DOCK3: variants seen among roughly 807,000 people sequenced by gnomAD.
DOCK3 encodes dedicator of cytokinesis 3, also known as dedicator of cytokinesis protein 3.
DOCK3 carries 60 observed loss-of-function variants against 265.6 expected under a neutral mutation model. The observed-to-expected ratio is 0.23, with a 90% confidence interval of 0.18 to 0.28. The LOEUF (loss-of-function observed/expected upper bound fraction) is 0.28, where lower values mean the gene tolerates loss of function less well. Ranked by LOEUF, DOCK3 falls within the 10% of genes least tolerant of loss-of-function variation. DOCK3 has a pLI of 1.00. For missense variants in DOCK3, 1,981 were observed against 2,594.3 expected, an observed-to-expected ratio of 0.76 and a Z score of 5.14; for synonymous variants, 881 against 938.0, an observed-to-expected ratio of 0.94 and a Z score of 1.11.
chr3:51,220,767 TGTGA>T (rs1161382539), intron 14 of DOCK3, among the ~76,000 whole-genome samples: 1 of 148,462 alleles, frequency 6.7e-6, no homozygotes, highest in African/African-American at 2.5e-5. Context: ...TAATATGAAG[TGTGA>T]GTAATTTATA....
intron 2 of DOCK3, chr3:50,786,562 A>C (rs1462873675): frequency 2.0e-6 from 1 of 490,044 alleles, no homozygotes; most frequent in Non-Finnish European, 3.9e-6. Context: ...GATGGATGTT[A>C]ATGATGCTGT....
chr3:50,907,778 A>G (rs1419150143), intron 4 of DOCK3, among the ~76,000 whole-genome samples: 1 of 151,986 alleles, frequency 6.6e-6, no homozygotes, highest in East Asian at 1.9e-4. Flanking sequence ...TTATGTGTGA[A>G]TTTGATCCTG....
intron 2 of DOCK3, among the ~76,000 whole-genome samples, chr3:50,808,577 A>G (rs533224827): frequency 1.3e-5 from 2 of 152,318 alleles, no homozygotes; most frequent in Admixed American, 1.3e-4. Flanking sequence ...TGTGTTTCCA[A>G]AAGTTTCTTT....
rs1195114049 is a variant in DOCK3 at position 51,227,330 on chromosome 3, C to T, written c.1425C>T (p.His475=). The part of the protein sequence containing the change: ...GSGEPNRSSY[H]SFVLYHSNSP... ...GAGAGCCAAATAGGAGTTCCTACCA[C>T]TCCTTTGTCCTCTACCACAGTAATA... The change falls in exon 16 of 53, where the codon CAC becomes CAT. Residue 475 remains histidine, a synonymous_variant. Transcript: ENST00000266037. 1 of 1,613,968 alleles carries T rather than the reference C, an allele frequency of 6.2e-7. No individual in the cohort carries two copies. The highest frequency in any genetic ancestry group is 1.7e-4 in the Middle Eastern group (1 of 6,050).
intron 11 of DOCK3, among the ~76,000 whole-genome samples, chr3:51,159,916 A>G (rs1450502605): frequency 7.9e-5 from 12 of 152,230 alleles, no homozygotes; most frequent in South Asian, 2.1e-4. Flanking sequence ...TTGGCCTATC[A>G]TGTACATTTT....
chr3:50,983,257 T>C (rs944872743), intron 5 of DOCK3, among the ~76,000 whole-genome samples: 1 of 152,096 alleles, frequency 6.6e-6, no homozygotes, highest in African/African-American at 2.4e-5. Flanking sequence ...CTCAGTGCTA[T>C]GATGACAGGA....
chr3:50,784,139 A>G (rs956362237), intron 2 of DOCK3, among the ~76,000 whole-genome samples: 2 of 152,186 alleles, frequency 1.3e-5, no homozygotes, highest in Admixed American at 6.5e-5. Flanking sequence ...AAGTGCTGGG[A>G]TTACAGGCAT....
chr3:51,260,049 C>T, intron 22 of DOCK3, 107 bp from the exon 23 acceptor site: 1 of 1,166,336 alleles, frequency 8.6e-7, no homozygotes. Flanking sequence ...TGCCCAACAC[C>T]TGATTTTGGT....
intron 14 of DOCK3, among the ~76,000 whole-genome samples, chr3:51,222,182 C>T (rs1261639112): frequency 6.6e-6 from 1 of 152,208 alleles, no homozygotes; most frequent in East Asian, 1.9e-4. Context: ...TTCTCATCTT[C>T]ATTGTAATGT....
At chr3:50,866,961 T>C (rs1458275609) in intron 3 of DOCK3, among the ~76,000 whole-genome samples, 1 of 152,182 alleles carries the variant, frequency 6.6e-6, no homozygotes, top group Non-Finnish European at 1.5e-5. Flanking sequence ...TTTTTTCTGT[T>C]TCTGTGAATA....
At chr3:50,729,824 A>ATTTTTTTTTTTTTTTTTTTTTT (rs60842906) in intron 1 of DOCK3, among the ~76,000 whole-genome samples, 1 of 109,058 alleles carries the variant, frequency 9.2e-6, no homozygotes. Context: ...TCTGAATTTC[A>ATTTTTTTTTTTTTTTTTTTTTT]TTTTTTTTTT....
intron 9 of DOCK3, among the ~76,000 whole-genome samples, chr3:51,135,284 C>G (rs537557910): frequency 1.7e-4 from 26 of 152,324 alleles, no homozygotes; most frequent in African/African-American, 6.3e-4. Context: ...ATTCACCTCT[C>G]CTCAGTTTTA....
At chr3:51,138,472 T>TTTAC (rs1177662247) in intron 9 of DOCK3, among the ~76,000 whole-genome samples, 3 of 152,208 alleles carry the variant, frequency 2.0e-5, no homozygotes, top group Non-Finnish European at 2.9e-5. Context: ...CTTGAGGAAA[T>TTTAC]GTAAAGCTCA....
intron 4 of DOCK3, among the ~76,000 whole-genome samples, chr3:50,896,314 G>C (rs1305499719): frequency 1.3e-5 from 2 of 152,102 alleles, no homozygotes; most frequent in Non-Finnish European, 1.5e-5. Context: ...AGAAGTGTCT[G>C]TTCATCTCCT....
intron 5 of DOCK3, among the ~76,000 whole-genome samples, chr3:51,004,476 A>T (rs1220657849): frequency 1.3e-5 from 2 of 152,158 alleles, no homozygotes; most frequent in Non-Finnish European, 2.9e-5. Flanking sequence ...GTAATTTGTT[A>T]TACAGCTATA....
chr3:51,298,071 C>T (rs567412888), intron 27 of DOCK3, among the ~76,000 whole-genome samples: 101 of 152,146 alleles, frequency 6.6e-4, no homozygotes, highest in Non-Finnish European at 1.2e-3. Context: ...TTAGTGAAAC[C>T]ATCTTGTCCT....
chr3:50,980,844 CT>C (rs896457775), intron 5 of DOCK3, among the ~76,000 whole-genome samples: 1 of 151,496 alleles, frequency 6.6e-6, no homozygotes, highest in Non-Finnish European at 1.5e-5. Context: ...GGTCTTCTCT[CT>C]TTTTTTTGGT....
At chr3:50,832,105 A>T (rs2107125689) in intron 2 of DOCK3, among the ~76,000 whole-genome samples, 1 of 152,330 alleles carries the variant, frequency 6.6e-6, no homozygotes, top group Admixed American at 6.5e-5. Flanking sequence ...AAAACAAGTA[A>T]TGGGGAAAGG....
intron 5 of DOCK3, among the ~76,000 whole-genome samples, chr3:51,059,914 A>G (rs1229730663): frequency 6.6e-6 from 1 of 152,166 alleles, no homozygotes; most frequent in East Asian, 1.9e-4. Context: ...TCTCCCTCTA[A>G]TAGATTATTC....
Sources: gnomAD v4.1 joint callset for allele counts (sites outside exome capture counted in the v4.1 genomes callset) on GRCh38, gnomAD v4.1.1 for gene constraint, MANE v1.5 for transcripts, NCBI Gene and HGNC (gene_info 2026-07-23, HGNC 2026-07-21) for gene names.